TRERF1: variants seen among roughly 807,000 people sequenced by gnomAD.
TRERF1 encodes transcriptional regulating factor 1, also known as transcriptional-regulating factor 1.
In TRERF1, 27 loss-of-function variants were observed where a neutral mutation model predicts 122.9. That is an observed-to-expected ratio of 0.22 (90% CI 0.16 to 0.30). The LOEUF is 0.30. TRERF1 is among the 10% of genes least tolerant of loss of function. The probability of loss-of-function intolerance (pLI) is 1.00; values close to 1 mark genes in which losing one functional copy is unlikely to be tolerated. For missense variants in TRERF1, 1,248 were observed against 1,560.3 expected (o/e 0.80, Z 3.37); for synonymous variants, 636 against 641.7 (o/e 0.99, Z 0.13).
At chr6:42,408,775 C>A (rs1022829313) in intron 2 of TRERF1, among the ~76,000 whole-genome samples, 1 of 152,022 alleles carries the variant, frequency 6.6e-6, no homozygotes, top group Non-Finnish European at 1.5e-5. Context: ...ATGGAATTTT[C>A]AAACACATTT....
At chr6:42,364,507 T>C (rs1021233245) in intron 2 of TRERF1, among the ~76,000 whole-genome samples, 43 of 152,224 alleles carry the variant, frequency 2.8e-4, no homozygotes, top group African/African-American at 9.7e-4. Context: ...AAGAAATAGC[T>C]GTTGAAAGAC....
At position 42,282,200 on chromosome 6, in the gene TRERF1, T is replaced by C. The variant is rs117332906; in HGVS notation, c.-258-12352A>G. 5.3e-4 allele frequency among the ~76,000 whole-genome samples: 80 copies of C among 152,336 alleles called. 2 individuals carry two copies. The East Asian group carries it at 0.015, about 28-fold the overall frequency. ...ACCCAAATGCCTAACCATAAGGGATTGATTGAAGGAAATCATGGAATAACC... is the reference window on the plus strand; with the variant it reads ...ACCCAAATGCCTAACCATAAGGGATCGATTGAAGGAAATCATGGAATAACC... On this transcript the variant is annotated intron_variant, in intron 4 of 17. Transcript: ENST00000372922.
At chr6:42,381,940 A>G (rs1039821889) in intron 2 of TRERF1, among the ~76,000 whole-genome samples, 1 of 151,058 alleles carries the variant, frequency 6.6e-6, no homozygotes, top group Non-Finnish European at 1.5e-5. Context: ...GCTGAAACCA[A>G]TAATAATAAT....
intron 2 of TRERF1, among the ~76,000 whole-genome samples, chr6:42,376,624 C>T (rs368663531): frequency 2.8e-4 from 41 of 145,246 alleles, no homozygotes; most frequent in African/African-American, 8.5e-4. Context: ...CTCACTGCAA[C>T]GTCTGCCTCT....
At chr6:42,301,221 T>A (rs1786115200) in intron 3 of TRERF1, among the ~76,000 whole-genome samples, 1 of 116,710 alleles carries the variant, frequency 8.6e-6, no homozygotes, top group African/African-American at 3.9e-5. Context: ...TTGTTTTGTT[T>A]TGTTTTGTTT....
At chr6:42,352,340 A>G (rs1769624194) in intron 3 of TRERF1, among the ~76,000 whole-genome samples, 1 of 152,234 alleles carries the variant, frequency 6.6e-6, no homozygotes, top group South Asian at 2.1e-4. Context: ...TGTTACCTTA[A>G]TATGCACACA....
chr6:42,376,746 T>G (rs559096486), intron 2 of TRERF1, among the ~76,000 whole-genome samples: 1 of 151,926 alleles, frequency 6.6e-6, no homozygotes, highest in East Asian at 1.9e-4. Context: ...TTTCACCATG[T>G]TGGCCTGGAT....
chr6:42,417,411 C>T (rs937409890), intron 2 of TRERF1, among the ~76,000 whole-genome samples: 29 of 152,184 alleles, frequency 1.9e-4, no homozygotes, highest in Non-Finnish European at 3.5e-4. Context: ...ACCAGGCACC[C>T]GGCAGAGGCT....
chr6:42,339,153 A>C (rs182246687), intron 3 of TRERF1, among the ~76,000 whole-genome samples: 1 of 152,360 alleles, frequency 6.6e-6, no homozygotes, highest in East Asian at 1.9e-4. Flanking sequence ...GCTGAACTGC[A>C]GGTCAATACC....
At chr6:42,271,184 T>TC (rs1780153042) in intron 4 of TRERF1, among the ~76,000 whole-genome samples, 2 of 102,688 alleles carry the variant, frequency 1.9e-5, no homozygotes. Context: ...AAACTCCATC[T>TC]AAAAAAAAAA....
At chr6:42,407,365 T>C (rs950515950) in intron 2 of TRERF1, among the ~76,000 whole-genome samples, 1 of 152,214 alleles carries the variant, frequency 6.6e-6, no homozygotes, top group Non-Finnish European at 1.5e-5. Flanking sequence ...TGTTTGTCTG[T>C]CTGCCCGTCT....
At chr6:42,264,659 A>G in intron 7 of TRERF1, 45 bp downstream of exon 7, 7 of 1,597,372 alleles carry the variant, frequency 4.4e-6, no homozygotes, top group Non-Finnish European at 6.0e-6. Flanking sequence ...AAGCAAAGCA[A>G]GCAGCACACG....
intron 3 of TRERF1, among the ~76,000 whole-genome samples, chr6:42,345,372 C>A (rs1019000896): frequency 6.6e-6 from 1 of 152,136 alleles, no homozygotes; most frequent in African/African-American, 2.4e-5. Context: ...TACAGAGGAC[C>A]CGAGCAAGAG....
chr6:42,405,184 T>C (rs369152104), intron 2 of TRERF1, among the ~76,000 whole-genome samples: 19 of 152,242 alleles, frequency 1.2e-4, no homozygotes, highest in South Asian at 4.1e-4. Context: ...AGTCTTACAA[T>C]TGGGAAGGGA....
At chr6:42,271,882 A>C (rs1780282488) in intron 4 of TRERF1, among the ~76,000 whole-genome samples, 2 of 152,258 alleles carry the variant, frequency 1.3e-5, no homozygotes, top group South Asian at 4.1e-4. Flanking sequence ...TATATTACAC[A>C]TATCACATTA....
chr6:42,236,499 G>A (rs1772235936), intron 15 of TRERF1, 88 bp from the exon 16 acceptor site: 4 of 1,492,324 alleles, frequency 2.7e-6, no homozygotes, highest in Non-Finnish European at 3.6e-6. Flanking sequence ...ACAGAGGAGA[G>A]AGGGGCAGGA....
intron 3 of TRERF1, among the ~76,000 whole-genome samples, chr6:42,344,801 C>G (rs553171373): frequency 5.3e-5 from 8 of 152,314 alleles, no homozygotes; most frequent in African/African-American, 1.9e-4. Context: ...GCACCCTACC[C>G]ACCTTCTTTG....
chr6:42,438,034 G>A (rs919426807), intron 2 of TRERF1, among the ~76,000 whole-genome samples: 2 of 151,626 alleles, frequency 1.3e-5, no homozygotes, highest in African/African-American at 2.4e-5. Context: ...CGATTCTCCC[G>A]CCCCAGCCTC....
chr6:42,356,854 G>C (rs140916487), intron 3 of TRERF1, among the ~76,000 whole-genome samples: 5,688 of 152,122 alleles, frequency 0.037, 284 homozygotes, highest in East Asian at 0.24. Context: ...TTACAGGTGT[G>C]AGCCATTGCG....
Sources: allele counts gnomAD v4.1 joint callset (sites outside exome capture counted in the v4.1 genomes callset), GRCh38; gene constraint gnomAD v4.1.1; transcripts MANE v1.5; gene names NCBI Gene and HGNC (gene_info 2026-07-23, HGNC 2026-07-21).